The following RAB38 variants were observed in gnomAD, a reference collection of about 807,000 sequenced individuals.
The protein encoded by RAB38 is RAB38, member RAS oncogene family.
A neutral mutation model predicts 18.4 loss-of-function variants in RAB38; 15 were observed. The ratio of observed to expected loss-of-function variants is 0.82; its 90% confidence interval spans 0.55 to 1.26. The LOEUF (loss-of-function observed/expected upper bound fraction) is 1.26. RAB38 is among the 50% of genes most tolerant of loss of function. The pLI is 0.00. For synonymous variants in RAB38, 101 were observed against 104.4 expected, an observed-to-expected ratio of 0.97 and a Z score of 0.20; for missense variants, 294 against 267.4, an observed-to-expected ratio of 1.10 and a Z score of -0.69.
At chr11:87,883,419 T>C in the RAB38 span, among the ~76,000 whole-genome samples, 2 of 151,946 alleles carry the variant, frequency 1.3e-5, no homozygotes, top group African/African-American at 4.8e-5. Context: ...TGAGCCACAG[T>C]TTCTTTATCT....
At chr11:87,967,998 A>G in the RAB38 span, among the ~76,000 whole-genome samples, 668 of 152,218 alleles carry the variant, frequency 4.4e-3, 3 homozygotes, top group Non-Finnish European at 6.3e-3. Flanking sequence ...CTGAAAGTAC[A>G]TTTGCCACAA....
At chr11:88,092,933 T>C in the RAB38 span, among the ~76,000 whole-genome samples, 11 of 151,936 alleles carry the variant, frequency 7.2e-5, no homozygotes, top group South Asian at 2.3e-3. Flanking sequence ...AGGCTTTCTT[T>C]CCCACAGCCA....
chr11:88,063,447 T>C, the RAB38 span, among the ~76,000 whole-genome samples: 18 of 152,234 alleles, frequency 1.2e-4, no homozygotes, highest in Middle Eastern at 3.4e-3. Context: ...GAAAAATGCA[T>C]GAAGAGAAAC....
the RAB38 span, among the ~76,000 whole-genome samples, chr11:87,953,015 A>ATAAC: frequency 6.6e-5 from 10 of 152,170 alleles, no homozygotes; most frequent in Admixed American, 1.3e-4. Flanking sequence ...TAAAATTTTA[A>ATAAC]TAACTTTTTA....
chr11:88,173,347 T>C (rs1943333891), intron 1 of RAB38, among the ~76,000 whole-genome samples: 1 of 152,164 alleles, frequency 6.6e-6, no homozygotes, highest in Non-Finnish European at 1.5e-5. Context: ...CTGTCATCTA[T>C]TGGGAGAAAG....
At chr11:88,068,516 T>C in the RAB38 span, among the ~76,000 whole-genome samples, 8 of 152,330 alleles carry the variant, frequency 5.3e-5, no homozygotes, top group East Asian at 1.5e-3. Context: ...GAGAAGTCAT[T>C]GCATTTACAC....
chr11:88,022,622 A>AAC, the RAB38 span, among the ~76,000 whole-genome samples: 4 of 148,960 alleles, frequency 2.7e-5, no homozygotes, highest in South Asian at 8.4e-4. Flanking sequence ...AAAAAAAAAA[A>AAC]AAAAAAAAAA....
At chr11:88,116,965 G>C (rs1033879806) in intron 2 of RAB38, among the ~76,000 whole-genome samples, 1 of 152,112 alleles carries the variant, frequency 6.6e-6, no homozygotes, top group Non-Finnish European at 1.5e-5. Context: ...TGAAACCTAA[G>C]CTCAAATTAG....
At chr11:87,880,935 TTAAG>T in the RAB38 span, among the ~76,000 whole-genome samples, 1 of 151,862 alleles carries the variant, frequency 6.6e-6, no homozygotes, top group Non-Finnish European at 1.5e-5. Flanking sequence ...AAATTTGTAA[TTAAG>T]TATCAACTAG....
chr11:87,805,301 C>G, the RAB38 span, among the ~76,000 whole-genome samples: 6 of 152,118 alleles, frequency 3.9e-5, no homozygotes, highest in African/African-American at 1.2e-4. Context: ...TACACACACA[C>G]AAACACCTAT....
the RAB38 span, among the ~76,000 whole-genome samples, chr11:87,850,731 C>CACACACACACACAT: frequency 6.6e-6 from 1 of 151,754 alleles, no homozygotes; most frequent in Non-Finnish European, 1.5e-5. Flanking sequence ...CACACACACA[C>CACACACACACACAT]ACACACACAC....
At chr11:87,969,300 T>TC in the RAB38 span, among the ~76,000 whole-genome samples, 144 of 151,002 alleles carry the variant, frequency 9.5e-4, no homozygotes, top group African/African-American at 1.5e-3. Context: ...ACCACACATA[T>TC]CCCCCCCCAA....
chr11:87,910,307 G>A, the RAB38 span, among the ~76,000 whole-genome samples: 1 of 151,928 alleles, frequency 6.6e-6, no homozygotes, highest in Non-Finnish European at 1.5e-5. Context: ...GTTTTTCATT[G>A]GGGTTGCATG....
chr11:87,920,142 T>C, the RAB38 span, among the ~76,000 whole-genome samples: 1 of 151,958 alleles, frequency 6.6e-6, no homozygotes, highest in African/African-American at 2.4e-5. Context: ...TGTATTTTAT[T>C]TATTTCTGCT....
chr11:88,082,162 A>G, the RAB38 span, among the ~76,000 whole-genome samples: 4 of 151,866 alleles, frequency 2.6e-5, no homozygotes, highest in Admixed American at 6.6e-5. Flanking sequence ...GATCAATAAT[A>G]GAATTGTTTT....
the RAB38 span, among the ~76,000 whole-genome samples, chr11:87,913,245 T>C: frequency 1.5e-4 from 23 of 152,228 alleles, no homozygotes; most frequent in African/African-American, 5.1e-4. Context: ...TCTGTGTCTT[T>C]ATTGAAGATA....
At chr11:88,043,825 A>C in the RAB38 span, among the ~76,000 whole-genome samples, 2 of 152,184 alleles carry the variant, frequency 1.3e-5, no homozygotes, top group African/African-American at 4.8e-5. Context: ...GGCTGGGATC[A>C]GGGGACCTCC....
chr11:87,887,021 C>A, the RAB38 span, among the ~76,000 whole-genome samples: 2 of 151,886 alleles, frequency 1.3e-5, no homozygotes, highest in South Asian at 2.1e-4. Context: ...GGCCCCAAAC[C>A]CCATGAAATG....
the RAB38 span, among the ~76,000 whole-genome samples, chr11:88,093,472 C>A: frequency 7.9e-6 from 1 of 126,182 alleles, no homozygotes; most frequent in Non-Finnish European, 1.7e-5. Context: ...TAACATACAT[C>A]GAATTGTATA....
Sources: allele counts gnomAD v4.1 joint callset (sites outside exome capture counted in the v4.1 genomes callset), GRCh38; gene constraint gnomAD v4.1.1; transcripts MANE v1.5; gene names NCBI Gene and HGNC (gene_info 2026-07-23, HGNC 2026-07-21).